The following LNX1 variants were observed in gnomAD, a reference collection of about 807,000 sequenced individuals.
LNX1 encodes the protein E3 ubiquitin-protein ligase LNX.
Under a neutral mutation model 68.4 loss-of-function variants are expected in LNX1, and 54 were observed. The observed-to-expected ratio is 0.79, with a 90% confidence interval of 0.63 to 0.99. The LOEUF (loss-of-function observed/expected upper bound fraction) is 0.99. Among genes scored for constraint, LNX1 ranks in the 50% least tolerant of loss-of-function variants. The pLI, the probability that LNX1 is intolerant of heterozygous loss-of-function variation, is 0.00. For missense variants in LNX1, 906 were observed against 926.4 expected (o/e 0.98, Z 0.29); for synonymous variants, 336 against 350.0 (o/e 0.96, Z 0.45).
At chr4:53,554,851 CA>C (rs3067036) in intron 2 of LNX1, among the ~76,000 whole-genome samples, 599 of 121,060 alleles carry the variant, frequency 4.9e-3, no homozygotes, top group Admixed American at 5.0e-3. Flanking sequence ...GACTCTGTCT[CA>C]AAAAAAAAAA....
chr4:53,602,963 A>G (rs1733080528), intron 2 of LNX1: 1 of 152,242 alleles, frequency 6.6e-6, no homozygotes, highest in Non-Finnish European at 1.5e-5. Flanking sequence ...TAGAAAAGGC[A>G]AGGACAAAAG....
At chr4:53,575,762 G>A in intron 1 of LNX1, 4 of 1,558,814 alleles carry the variant, frequency 2.6e-6, no homozygotes, top group Non-Finnish European at 3.5e-6. Flanking sequence ...CCTGGTGGTA[G>A]TCACAGTGGC....
chr4:53,489,099 A>T (rs935049812), intron 6 of LNX1, among the ~76,000 whole-genome samples: 1 of 152,098 alleles, frequency 6.6e-6, no homozygotes, highest in African/African-American at 2.4e-5. Context: ...GAAACTTTGG[A>T]CCCCCAGAAA....
In LNX1 at chr4:53,573,766, G is replaced by T; in HGVS notation, c.237C>A (p.Arg79=). 6.2e-7 allele frequency: 1 copy of T among 1,611,576 alleles called. No individual in the cohort carries two copies. The highest frequency in any genetic ancestry group is 8.5e-7 in the Non-Finnish European group (1 of 1,178,958). Residue 79 remains arginine (R), a synonymous_variant, in exon 2 of 11, where the codon CGC becomes CGA. Coordinates refer to ENST00000263925, the MANE Select transcript of LNX1 (RefSeq NM_001126328.3). ...TGCAGTGCTGCAGAACCAGAGGCTT[G>T]CGGTCCATGGGACAGAAGTCCTTCT... is the stretch of plus-strand genomic sequence containing the variant. The part of the protein sequence containing the change: ...LVEKDFCPMD[R]KPLVLQHCKK...
In LNX1 at chr4:53,461,579, C is replaced by T; in HGVS notation, c.1907G>A (p.Cys636Tyr). 2 of 1,610,610 alleles carry T rather than the reference C, an allele frequency of 1.2e-6. No individual in the cohort carries two copies. The highest frequency in any genetic ancestry group is 1.1e-5 in the South Asian group (1 of 90,796). The part of the protein sequence containing the change: ...WLELPRCLYN[C>Y]KDIVLRRNTA... ...GTTTCTTCGTAATACAATATCTTTA[C>T]AGTTATACAAGCACCTGAAATAGAA... The change falls in exon 10 of 11, where the codon TGT (cysteine) becomes TAT (tyrosine). Residue 636 changes from cysteine to tyrosine, a missense_variant. Transcript: ENST00000263925.
intron 2 of LNX1, among the ~76,000 whole-genome samples, chr4:53,572,031 A>G (rs1345741609): frequency 6.6e-6 from 1 of 152,192 alleles, no homozygotes; most frequent in Non-Finnish European, 1.5e-5. Context: ...ACAGCTCCCC[A>G]GCACAAATGT....
chr4:53,550,071 G>A (rs550083995), intron 2 of LNX1, among the ~76,000 whole-genome samples: 1 of 152,110 alleles, frequency 6.6e-6, no homozygotes, highest in Admixed American at 6.5e-5. Context: ...ATTCTCAAAG[G>A]GGGGAAAAAA....
At chr4:53,501,306 G>C (rs1560630574) in intron 4 of LNX1, among the ~76,000 whole-genome samples, 12 of 119,826 alleles carry the variant, frequency 1.0e-4, no homozygotes, top group South Asian at 3.6e-4. Flanking sequence ...TTTTGGGGGT[G>C]GGGGGACAGG....
At position 53,496,407 on chromosome 4, in the gene LNX1, G is replaced by A; in HGVS notation, c.979-13C>T. On this transcript the variant is annotated splice_polypyrimidine_tract_variant and intron_variant, in intron 5 of 10. Coordinates refer to ENST00000263925, the MANE Select transcript of LNX1 (RefSeq NM_001126328.3). ...CCATCCCGTTGACCTGGGGGCAGGT[G>A]GAACAATCGTGCGGTCAGCTCCACC... 3 of 1,581,946 alleles carry A rather than the reference G, an allele frequency of 1.9e-6. No individual in the cohort carries two copies. Among genetic ancestry groups the A allele is most frequent in the Non-Finnish European group, 2.6e-6 (3 of 1,163,754 alleles).
chr4:53,576,117 G>A lies in LNX1; in HGVS notation c.-86-2029C>T, dbSNP rs536826623. On this transcript the variant is annotated intron_variant, in intron 1 of 10. Coordinates refer to ENST00000263925, the MANE Select transcript of LNX1 (RefSeq NM_001126328.3). ...CCAGCGTGGTATTTGGGAGCCAGCG[G>A]CCCCTCCTTGATTCTGTGGCCCAGC... 152 of 1,554,462 alleles carry A rather than the reference G, an allele frequency of 9.8e-5. No homozygotes were observed. In the East Asian group the frequency reaches 2.8e-3, roughly 28 times the overall value.
chr4:53,472,326 G>A (rs755885914), intron 9 of LNX1, among the ~76,000 whole-genome samples: 7 of 151,810 alleles, frequency 4.6e-5, no homozygotes, highest in Non-Finnish European at 7.4e-5. Context: ...ATCACACACC[G>A]GGGACTGTTG....
At chr4:53,611,033 A>G (rs1305487261) in intron 2 of LNX1, among the ~76,000 whole-genome samples, 1 of 152,058 alleles carries the variant, frequency 6.6e-6, no homozygotes, top group Non-Finnish European at 1.5e-5. Context: ...AAACTGGAAT[A>G]AACATTGGGG....
intron 2 of LNX1, among the ~76,000 whole-genome samples, chr4:53,557,565 C>A (rs1465585613): frequency 6.6e-6 from 1 of 151,546 alleles, no homozygotes; most frequent in African/African-American, 2.4e-5. Context: ...CTCTTCAGTT[C>A]TATTTACGGA....
In LNX1 at chr4:53,579,587, G is replaced by A. The variant is rs146921876; in HGVS notation, c.-86-5499C>T. Among the ~76,000 whole-genome samples the A allele has an allele frequency of 1.1e-3, 165 of 152,066 alleles. 1 individual carries two copies. The highest frequency in any genetic ancestry group is 3.7e-3 in the African/African-American group (154 of 41,502). ...ACCAGAGCAAAAGCCAGTTGGTGCC[G>A]CCTGCAACCAAGAGGGTCATTCGAG... On this transcript the variant is annotated intron_variant, in intron 1 of 10. Coordinates refer to ENST00000263925, the MANE Select transcript of LNX1 (RefSeq NM_001126328.3).
rs907094300 is a variant in LNX1 at position 53,528,133 on chromosome 4, C to T, written c.381-19906G>A. Among the ~76,000 whole-genome samples, 19 of 152,176 alleles carry T rather than the reference C, an allele frequency of 1.2e-4. 1 individual carries two copies. The highest frequency in any genetic ancestry group is 7.2e-4 in the Admixed American group (11 of 15,276). The stretch of plus-strand genomic sequence containing the variant: ...TGCCTAATCCTTTGTGTCCGCTCAG[C>T]GTATTTTCCCTTTGAAAACTGCTCT... On this transcript the variant is annotated intron_variant, in intron 2 of 10. Transcript: ENST00000263925.
intron 2 of LNX1, among the ~76,000 whole-genome samples, chr4:53,566,484 AG>A (rs1305302205): frequency 6.6e-6 from 1 of 151,496 alleles, no homozygotes; most frequent in Non-Finnish European, 1.5e-5. Flanking sequence ...GCCCTAAAAG[AG>A]CTCCTGAAGG....
chr4:53,464,727 G>A (rs1288770795), intron 9 of LNX1, among the ~76,000 whole-genome samples: 1 of 151,882 alleles, frequency 6.6e-6, no homozygotes, highest in Non-Finnish European at 1.5e-5. Flanking sequence ...TACACTATTA[G>A]CAGAAAAGAC....
intron 9 of LNX1, among the ~76,000 whole-genome samples, chr4:53,471,921 C>G (rs1461294342): frequency 2.6e-5 from 4 of 152,182 alleles, no homozygotes; most frequent in Admixed American, 2.6e-4. Context: ...TTGTGGAAGT[C>G]AGTGTGGCGA....
intron 1 of LNX1, among the ~76,000 whole-genome samples, chr4:53,644,987 T>G (rs1734829539): frequency 6.6e-6 from 1 of 152,090 alleles, no homozygotes; most frequent in South Asian, 2.1e-4. Flanking sequence ...GAGACCTAAC[T>G]CCTCAATTCT....
Sources: allele counts gnomAD v4.1 joint callset (sites outside exome capture counted in the v4.1 genomes callset), GRCh38; gene constraint gnomAD v4.1.1; transcripts MANE v1.5; gene names NCBI Gene and HGNC (gene_info 2026-07-23, HGNC 2026-07-21).